The following FLII variants were observed in gnomAD, a reference collection of about 807,000 sequenced individuals.
The protein encoded by FLII is protein flightless-1 homolog.
FLII carries 101 observed loss-of-function variants against 156.2 expected under a neutral mutation model. The observed-to-expected ratio is 0.65, with a 90% CI of 0.55 to 0.76. FLII has a LOEUF of 0.76. Ranked by LOEUF, FLII falls within the 30% of genes least tolerant of loss-of-function variation. The pLI is 0.00. For missense variants in FLII, 1,675 were observed against 1,682.8 expected (o/e 1.00, Z 0.08); for synonymous variants, 767 against 685.8 (o/e 1.12, Z -1.85).
rs746716074 is a variant in FLII, at chr17:18,245,291, G to A, written c.3676-19C>T. On this transcript the variant is annotated intron_variant, in intron 29 of 29. Transcript: ENST00000327031. ...TATATACCTGGCAAGGGGACAGCGAGCCTTGGGTGATGACCCTGCCCTGCC... is the reference window on the plus strand; with the variant it reads ...TATATACCTGGCAAGGGGACAGCGAACCTTGGGTGATGACCCTGCCCTGCC... 1 of 1,612,718 alleles carries A rather than the reference G, an allele frequency of 6.2e-7. No individual in the cohort carries two copies. Among genetic ancestry groups the A allele is most frequent in the East Asian group, 2.2e-5 (1 of 44,810 alleles).
chr17:18,257,010 A>AT lies in FLII; in HGVS notation c.72_73insA (p.Phe25IlefsTer3), dbSNP rs1486516228. 1 of 1,605,164 alleles carries AT rather than the reference A, an allele frequency of 6.2e-7. No individual in the cohort carries two copies. Among genetic ancestry groups the AT allele is most frequent in the Non-Finnish European group, 8.5e-7 (1 of 1,175,538 alleles). ...GTCATGGCCTTGACATTCTCAGGGA[A>AT]GTAGCCGCCCTGGGGGAAGGATGTC... On this transcript the variant is annotated frameshift_variant, in exon 2 of 30. Coordinates refer to ENST00000327031, the MANE Select transcript of FLII (RefSeq NM_002018.4). LOFTEE classifies it high-confidence loss of function.
At position 18,246,400 on chromosome 17, in the gene FLII, G is replaced by A. The variant is rs189440439; in HGVS notation, c.3114C>T (p.Phe1038=). 506 of 1,614,034 alleles carry A rather than the reference G, an allele frequency of 3.1e-4. 4 individuals are homozygous for A. The East Asian group carries it at 7.5e-3, about 24-fold the overall frequency. The change falls in exon 24 of 30, where the codon TTC becomes TTT. Residue 1038 remains phenylalanine (F), a synonymous_variant. Coordinates refer to ENST00000327031, the MANE Select transcript of FLII (RefSeq NM_002018.4). ...CCTTCCTCTTGCCCCGGTGGATGAT[G>A]AACTTCCTCTTGAAATGGGACAGGA... is the stretch of plus-strand genomic sequence containing the variant. ...PKFLSHFKRK[F]IIHRGKRKAV...
rs7498 is a variant in FLII at position 18,245,171 on chromosome 17, G to A, written c.3777C>T (p.His1259=). The change falls in exon 30 of 30, where the codon CAC becomes CAT. Residue 1259 remains histidine (H), a synonymous_variant. Coordinates refer to ENST00000327031, the MANE Select transcript of FLII (RefSeq NM_002018.4). The part of the protein sequence containing the change: ...NEQHAFTRCF[H]AWSAFCKALA The stretch of plus-strand genomic sequence containing the variant: ...GGGCCTTGCAGAAGGCGCTCCAGGC[G>A]TGGAAGCAGCGGGTAAAGGCGTGCT... 388,334 of 1,613,188 alleles carry A rather than the reference G, an allele frequency of 0.24. 47,459 individuals are homozygous for A. The highest frequency in any genetic ancestry group is 0.3 in the Middle Eastern group (1,823 of 6,056).
chr17:18,247,472 G>A lies in FLII; in HGVS notation c.2488-115C>T, dbSNP rs568862909. The A allele has an allele frequency of 2.7e-5, 31 of 1,149,770 alleles. No homozygotes were observed. The South Asian group carries it at 4.1e-4, about 15-fold the overall frequency. 71.2% of individuals were successfully genotyped at this position (1,149,770 alleles called of 1,614,324 possible). A position where few individuals can be genotyped will look rare whatever the true frequency, so the allele number is the denominator to read the frequency against. ...AGATCTAGGGCGGGGCTTGGGAGGC[G>A]GGGCCTCGGACACGGAGGTAGGAAT... On this transcript the variant is annotated intron_variant, in intron 20 of 29. Coordinates refer to ENST00000327031, the MANE Select transcript of FLII (RefSeq NM_002018.4).
chr17:18,254,246 G>A, intron 6 of FLII, 64 bp from the exon 7 acceptor site: 1 of 1,336,498 alleles, frequency 7.5e-7, no homozygotes, highest in Non-Finnish European at 1.0e-6. Flanking sequence ...GGTGGGGCTT[G>A]GCAGGGCAGG....
Position 18,250,602 on chromosome 17 carries a change from C to T in FLII, c.1776+236G>A, listed in dbSNP as rs566309683. The stretch of plus-strand genomic sequence containing the variant: ...CCCAGCCTGTACCCTTATCCTTGCC[C>T]GGCTGAATTCTGCCCCGCGTTCCAG... On this transcript the variant is annotated intron_variant, in intron 14 of 29. Transcript: ENST00000327031. Among the ~76,000 whole-genome samples, 10 of 152,308 alleles carry T rather than the reference C, an allele frequency of 6.6e-5. No homozygotes were observed. In the East Asian group the frequency reaches 1.7e-3, roughly 26 times the overall value.
In FLII at chr17:18,247,663, C is replaced by T. The variant is rs1237764100; in HGVS notation, c.2481G>A (p.Glu827=). Reference sequence around the variant, plus strand: ...TCCGAAGCTGCAAGCGCACCTGCGCCTCGGTGCCCTCGAGGCTGCGGCTGA... The same window carrying T: ...TCCGAAGCTGCAAGCGCACCTGCGCTTCGGTGCCCTCGAGGCTGCGGCTGA... ...ATVSRSLEGT[E]AQVFKAKFKN... is the part of the protein sequence containing the mutation. The change falls in exon 20 of 30, where the codon GAG becomes GAA. Residue 827 remains glutamate, a synonymous_variant. Coordinates refer to ENST00000327031, the MANE Select transcript of FLII (RefSeq NM_002018.4). 6 of 1,588,260 alleles carry T rather than the reference C, an allele frequency of 3.8e-6. No individual in the cohort carries two copies. Among genetic ancestry groups the T allele is most frequent in the Non-Finnish European group, 4.3e-6 (5 of 1,172,988 alleles).
intron 20 of FLII, 62 bp from the exon 21 acceptor site, chr17:18,247,419 G>A (rs1197865078): frequency 6.8e-7 from 1 of 1,478,482 alleles, no homozygotes; most frequent in Non-Finnish European, 9.2e-7. Flanking sequence ...GGAGGAAGTA[G>A]CCCGAGGCTT....
Position 18,248,577 on chromosome 17 carries a change from G to T in FLII, c.2163C>A (p.Phe721Leu). ...SEIKKHVPEDFWPPQPKLYKV... is the reference protein window; with the variant it reads ...SEIKKHVPEDLWPPQPKLYKV... ...TGTACAGCTTGGGCTGCGGCGGCCA[G>T]AAGTCTTCAGGCACGTGCTTCTTGA... The change falls in exon 18 of 30, where the codon TTC becomes TTA. Residue 721 changes from phenylalanine to leucine, a missense_variant. Transcript: ENST00000327031. 1 of 1,612,182 alleles carries T rather than the reference G, an allele frequency of 6.2e-7. No homozygotes were observed. The highest frequency in any genetic ancestry group is 1.7e-5 in the Admixed American group (1 of 60,000).
chr17:18,255,318 C>T (rs1332970839), intron 3 of FLII, 55 bp from the exon 4 acceptor site: 1 of 1,453,850 alleles, frequency 6.9e-7, no homozygotes, highest in Non-Finnish European at 9.6e-7. Context: ...CAGGAAGGAA[C>T]AGAGTCTAGA....
At position 18,257,035 on chromosome 17, in the gene FLII, C is replaced by T. The variant is rs370885483; in HGVS notation, c.64-16G>A. ...AGTAGCCGCCCTGGGGGAAGGATGT[C>T]AAGGTGAAGCACAGAGCCCCTGCTC... On this transcript the variant is annotated splice_polypyrimidine_tract_variant and intron_variant, in intron 1 of 29. Coordinates refer to ENST00000327031, the MANE Select transcript of FLII (RefSeq NM_002018.4). 7 of 1,555,210 alleles carry T rather than the reference C, an allele frequency of 4.5e-6. No individual in the cohort carries two copies. The highest frequency in any genetic ancestry group is 5.3e-6 in the Non-Finnish European group (6 of 1,139,522).
chr17:18,251,345 T>A lies in FLII; in HGVS notation c.1516A>T (p.Ile506Leu). 1 of 1,613,894 alleles carries A rather than the reference T, an allele frequency of 6.2e-7. No individual in the cohort carries two copies. Among genetic ancestry groups the A allele is most frequent in the African/African-American group, 1.3e-5 (1 of 75,056 alleles). The change falls in exon 13 of 30, where the codon ATA becomes TTA. Residue 506 changes from isoleucine (I) to leucine (L), a missense_variant. Ile to Leu is a conservative substitution (Grantham distance 5). Around this residue, in one of 2 missense-constraint regions of FLII, gnomAD observed 1,332 missense variants for 1,269.3 expected, o/e 1.05. Transcript: ENST00000327031. ...ACCAGCACAGGCACGAAGTTCTCTA[T>A]CTGCCAGATGGTCAGTCCGGGCAGC... The part of the protein sequence containing the change: ...GQLPGLTIWQ[I>L]ENFVPVLVEE...
chr17:18,247,285 G>T lies in FLII; in HGVS notation c.2560C>A (p.Leu854Met). 1 of 1,612,924 alleles carries T rather than the reference G, an allele frequency of 6.2e-7. No individual in the cohort carries two copies. Among genetic ancestry groups the T allele is most frequent in the Non-Finnish European group, 8.5e-7 (1 of 1,179,746 alleles). The change falls in exon 21 of 30, where the codon CTG becomes ATG. Residue 854 changes from leucine to methionine, a missense_variant. Coordinates refer to ENST00000327031, the MANE Select transcript of FLII (RefSeq NM_002018.4). ...VDYTRNAEAV[L>M]QSPGLSGKVK... is the part of the protein sequence containing the mutation. ...TTCCCGGAGAGACCCGGGCTCTGCA[G>T]CACGGCCTCCGCATTGCGTGTGTAG...
At chr17:18,247,897 C>T in intron 19 of FLII, 32 bp downstream of exon 19, 4 of 1,612,730 alleles carry the variant, frequency 2.5e-6, no homozygotes, top group Non-Finnish European at 3.4e-6. Context: ...GGGGAGGGAT[C>T]TGGCCCCACG....
intron 14 of FLII, among the ~76,000 whole-genome samples, 159 bp from the exon 15 acceptor site, chr17:18,249,567 A>G (rs1393708315): frequency 2.0e-5 from 3 of 152,192 alleles, no homozygotes; most frequent in Non-Finnish European, 4.4e-5. Context: ...AGGTGGGTGG[A>G]TCACCTGAGG....
At chr17:18,245,511 A>G (rs762892801) in intron 28 of FLII, 44 bp downstream of exon 28, 18 of 1,611,924 alleles carry the variant, frequency 1.1e-5, no homozygotes, top group South Asian at 5.5e-5. Flanking sequence ...AAGTAAGTCT[A>G]TGGGCGCCTC....
Position 18,247,774 on chromosome 17 carries a change from G to T in FLII, c.2370C>A (p.Arg790=). ...CWSDVFIWLG[R]KSPRLVRAAA... ...CAGCGCGCACCAGGCGCGGGGACTT[G>T]CGGCCGAGCCAGATGAACACGTCGG... Residue 790 remains arginine, a synonymous_variant, in exon 20 of 30, where the codon CGC becomes CGA. Transcript: ENST00000327031. 6.2e-7 allele frequency: 1 copy of T among 1,609,898 alleles called. No homozygotes were observed.
rs377065448 is a variant in FLII, at chr17:18,247,822, G to A, written c.2322C>T (p.Cys774=). The A allele has an allele frequency of 5.0e-6, 8 of 1,613,354 alleles. No homozygotes were observed. The African/African-American group carries it at 9.3e-5, about 19-fold the overall frequency. The change falls in exon 20 of 30, where the codon TGC becomes TGT. Residue 774 remains cysteine (C), a synonymous_variant. Transcript: ENST00000327031. ...RLLQSLLDTR[C]VYILDCWSDV... Reference sequence around the variant, plus strand: ...CGGACCAACAGTCCAGAATGTACACGCAGCGCGTGTCCAGCAGACTCTGCA... The same window carrying A: ...CGGACCAACAGTCCAGAATGTACACACAGCGCGTGTCCAGCAGACTCTGCA...
rs923435902 is a variant in FLII at position 18,258,617 on chromosome 17, G to A, written c.63+11C>T. Reference sequence around the variant, plus strand: ...TGCAGGGAGGCCCGGCACGCGCCCGGCCCGGCTCACCTTGAAGTCGTTGCC... The same window carrying A: ...TGCAGGGAGGCCCGGCACGCGCCCGACCCGGCTCACCTTGAAGTCGTTGCC... On this transcript the variant is annotated intron_variant, in intron 1 of 29. Transcript: ENST00000327031. The surrounding 1 kb of genome is among the most constrained non-coding windows in gnomAD (Gnocchi z 4.2). 2.6e-6 allele frequency: 4 copies of A among 1,554,668 alleles called. No homozygotes were observed. Among genetic ancestry groups the A allele is most frequent in the Non-Finnish European group, 3.4e-6 (4 of 1,160,110 alleles).
Sources: gnomAD v4.1 joint callset for allele counts (sites outside exome capture counted in the v4.1 genomes callset) on GRCh38, gnomAD v4.1.1 for gene constraint, gnomAD v4.1.1 regional missense constraint, Gnocchi (gnomAD v3.1) non-coding constraint, MANE v1.5 for transcripts, NCBI Gene and HGNC (gene_info 2026-07-23, HGNC 2026-07-21) for gene names.